The following CHD7 variants were observed in gnomAD, a reference collection of about 807,000 sequenced individuals.
CHD7 encodes chromodomain helicase DNA binding protein 7, also known as ATP-dependent chromatin remodeler CHD7.
In CHD7, 24 loss-of-function variants were observed where a neutral mutation model predicts 307.3. The observed-to-expected ratio is 0.08, with a 90% CI of 0.06 to 0.11. The LOEUF is 0.11. Among genes scored for constraint, CHD7 ranks in the 10% least tolerant of loss-of-function variants. The probability of loss-of-function intolerance (pLI) is 1.00; values close to 1 mark genes in which losing one functional copy is unlikely to be tolerated. For missense variants in CHD7, 3,106 were observed against 3,727.1 expected (o/e 0.83, Z 4.34); for synonymous variants, 1,363 against 1,349.9 (o/e 1.01, Z -0.21).
intron 19 of CHD7, 43 bp from the exon 20 acceptor site, chr8:60,841,601 G>A: frequency 6.8e-7 from 1 of 1,467,972 alleles, no homozygotes; most frequent in Non-Finnish European, 9.5e-7. Flanking sequence ...TTCTGCTTCT[G>A]AGAAAGGCCT....
At chr8:60,779,053 A>G (rs928109834) in intron 2 of CHD7, among the ~76,000 whole-genome samples, 21 of 151,970 alleles carry the variant, frequency 1.4e-4, no homozygotes, top group Non-Finnish European at 2.9e-5. Context: ...ATATATCGTT[A>G]CTCTTTTTTC....
At chr8:60,757,735 T>A (rs575588105) in intron 2 of CHD7, among the ~76,000 whole-genome samples, 1 of 152,358 alleles carries the variant, frequency 6.6e-6, no homozygotes, top group African/African-American at 2.4e-5. Context: ...TCTGATAGAA[T>A]GTATTTTGAG....
intron 1 of CHD7, among the ~76,000 whole-genome samples, chr8:60,681,412 C>G (rs941425965): frequency 3.9e-5 from 6 of 152,110 alleles, no homozygotes; most frequent in Non-Finnish European, 5.9e-5. Context: ...CATTCATTGA[C>G]AATGATAATA....
intron 2 of CHD7, among the ~76,000 whole-genome samples, chr8:60,777,211 G>T (rs1563591261): frequency 6.6e-6 from 1 of 152,070 alleles, no homozygotes; most frequent in Non-Finnish European, 1.5e-5. Flanking sequence ...AGACTTGTTT[G>T]TATGTAAATA....
chr8:60,730,037 AC>A (rs1193862659), intron 1 of CHD7, among the ~76,000 whole-genome samples: 1 of 152,276 alleles, frequency 6.6e-6, no homozygotes, highest in Non-Finnish European at 1.5e-5. Flanking sequence ...GCATGTCATT[AC>A]AGTCAATGCT....
At chr8:60,688,023 A>T (rs376942952) in intron 1 of CHD7, among the ~76,000 whole-genome samples, 14 of 151,800 alleles carry the variant, frequency 9.2e-5, no homozygotes, top group African/African-American at 2.9e-4. Flanking sequence ...AGCCCAGGCT[A>T]TTTTTTTCTG....
chr8:60,750,259 C>T (rs1809568845), intron 2 of CHD7, among the ~76,000 whole-genome samples: 1 of 152,144 alleles, frequency 6.6e-6, no homozygotes, highest in Non-Finnish European at 1.5e-5. Context: ...GCATTTTCAT[C>T]TTGGTGTCTT....
At chr8:60,863,234 C>T (rs1806086788) in intron 37 of CHD7, 1 of 152,336 alleles carries the variant, frequency 6.6e-6, no homozygotes, top group African/African-American at 2.4e-5. Context: ...CCCGAGTTCC[C>T]TCACACCGTC....
chr8:60,752,565 T>C, intron 2 of CHD7, among the ~76,000 whole-genome samples: 1 of 152,220 alleles, frequency 6.6e-6, no homozygotes, highest in East Asian at 1.9e-4. Flanking sequence ...CTGAAAACTT[T>C]TTGTTTTTTG....
intron 19 of CHD7, 134 bp from the exon 20 acceptor site, chr8:60,841,510 A>G (rs751644662): frequency 4.4e-6 from 3 of 689,170 alleles, no homozygotes; most frequent in Non-Finnish European, 7.8e-6. Flanking sequence ...CTGTCATTCT[A>G]GTCCCATCTA....
At chr8:60,727,691 G>A (rs1808238857) in intron 1 of CHD7, among the ~76,000 whole-genome samples, 2 of 152,040 alleles carry the variant, frequency 1.3e-5, no homozygotes, top group Non-Finnish European at 1.5e-5. Flanking sequence ...CTTTTGGGTT[G>A]ACCTCATCTG....
chr8:60,858,216 A>T (rs749092175), intron 34 of CHD7, among the ~76,000 whole-genome samples: 4 of 152,246 alleles, frequency 2.6e-5, no homozygotes, highest in African/African-American at 4.8e-5. Context: ...AGATTGCATC[A>T]CTGCACTCCA....
Position 60,856,067 on chromosome 8 carries a change from A to T in CHD7, c.7029A>T (p.Gln2343His). ...PVNRRQMFDF[Q>H]GLIPGYTPTT... Reference sequence around the variant, plus strand: ...ATAGGCGCCAGATGTTTGATTTCCAAGGCCTCATCCCAGGTTACACACCCA... The same window carrying T: ...ATAGGCGCCAGATGTTTGATTTCCATGGCCTCATCCCAGGTTACACACCCA... The change falls in exon 33 of 38, where the codon CAA (glutamine) becomes CAT (histidine). Residue 2343 changes from glutamine to histidine, a missense_variant. Around this residue, in one of 10 missense-constraint regions of CHD7, gnomAD observed 1,030 missense variants for 1,165.4 expected, o/e 0.88. Coordinates refer to ENST00000423902, the MANE Select transcript of CHD7 (RefSeq NM_017780.4). 6.2e-7 allele frequency: 1 copy of T among 1,611,572 alleles called. No homozygotes were observed. Among genetic ancestry groups the T allele is most frequent in the South Asian group, 1.1e-5 (1 of 90,458 alleles).
At chr8:60,770,842 C>T (rs549883983) in intron 2 of CHD7, among the ~76,000 whole-genome samples, 1 of 152,306 alleles carries the variant, frequency 6.6e-6, no homozygotes, top group East Asian at 1.9e-4. Context: ...ACACCAAGTT[C>T]TCTTTGCCAT....
At chr8:60,814,956 TTTCCTTCAA>T (rs1371231019) in intron 7 of CHD7, among the ~76,000 whole-genome samples, 3 of 152,242 alleles carry the variant, frequency 2.0e-5, no homozygotes, top group Non-Finnish European at 2.9e-5. Context: ...CCATTGAGCA[TTTCCTTCAA>T]GTTCATGTTG....
At position 60,845,090 on chromosome 8, in the gene CHD7, T is replaced by C. The variant is rs41265248; in HGVS notation, c.5050+27T>C. On this transcript the variant is annotated intron_variant, in intron 22 of 37. Coordinates refer to ENST00000423902, the MANE Select transcript of CHD7 (RefSeq NM_017780.4). ...TAGGTCTCCACCATGCTGTTTGTGCTACAGGGTCACAAAGCCACCAGGAAC... is the reference window on the plus strand; with the variant it reads ...TAGGTCTCCACCATGCTGTTTGTGCCACAGGGTCACAAAGCCACCAGGAAC... 7.9e-4 allele frequency: 1,271 copies of C among 1,610,228 alleles called. 2 individuals are homozygous for C. Among genetic ancestry groups the C allele is most frequent in the Non-Finnish European group, 1.0e-3 (1,192 of 1,177,606 alleles).
At chr8:60,696,445 A>C (rs573761471) in intron 1 of CHD7, among the ~76,000 whole-genome samples, 2 of 152,172 alleles carry the variant, frequency 1.3e-5, no homozygotes, top group African/African-American at 2.4e-5. Flanking sequence ...CCACAGGCCA[A>C]TTACTTAATT....
rs556494247 is a variant in CHD7, at chr8:60,854,919, T to G, written c.6936+396T>G. The stretch of plus-strand genomic sequence containing the variant: ...TTTATAGTTTTGGAAACCTACCAGC[T>G]TCTTGACTTGGAAGAGGGTGTACTG... On this transcript the variant is annotated intron_variant, in intron 32 of 37. Coordinates refer to ENST00000423902, the MANE Select transcript of CHD7 (RefSeq NM_017780.4). Among the ~76,000 whole-genome samples, 330 of 152,356 alleles carry G rather than the reference T, an allele frequency of 2.2e-3. 1 individual carries two copies. The highest frequency in any genetic ancestry group is 2.5e-3 in the Non-Finnish European group (172 of 68,030).
At chr8:60,764,156 T>A (rs1404444213) in intron 2 of CHD7, among the ~76,000 whole-genome samples, 1 of 151,764 alleles carries the variant, frequency 6.6e-6, no homozygotes, top group African/African-American at 2.4e-5. Context: ...CCCAGATAAT[T>A]TTTTTTGTAT....
Sources: allele counts gnomAD v4.1 joint callset (sites outside exome capture counted in the v4.1 genomes callset), GRCh38; gene constraint gnomAD v4.1.1; regional missense constraint gnomAD v4.1.1; transcripts MANE v1.5; gene names NCBI Gene and HGNC (gene_info 2026-07-23, HGNC 2026-07-21).